The following SMG6 variants were observed in gnomAD, a reference collection of about 807,000 sequenced individuals.
The protein encoded by SMG6 is telomerase-binding protein EST1A.
In SMG6, 66 loss-of-function variants were observed where a neutral mutation model predicts 142.2. That is an observed-to-expected ratio of 0.46 (90% confidence interval 0.38 to 0.57). The LOEUF is 0.57. Among genes scored for constraint, SMG6 ranks in the 20% least tolerant of loss-of-function variants. SMG6 has a pLI of 0.00. For synonymous variants in SMG6, 779 were observed against 702.4 expected, an observed-to-expected ratio of 1.11 and a Z score of -1.72; for missense variants, 1,793 against 1,832.0, an observed-to-expected ratio of 0.98 and a Z score of 0.39.
intron 13 of SMG6, chr17:2,086,989 C>T: frequency 7.8e-7 from 1 of 1,285,990 alleles, no homozygotes; most frequent in Non-Finnish European, 1.0e-6. Context: ...GCCCCTGCCT[C>T]TCTTTTAATG....
At chr17:2,162,832 A>AT (rs558605418) in intron 13 of SMG6, among the ~76,000 whole-genome samples, 164 of 151,980 alleles carry the variant, frequency 1.1e-3, no homozygotes, top group African/African-American at 3.7e-3. Context: ...GCTAATCTTG[A>AT]TTTTCCTCTC....
At chr17:2,253,890 G>A (rs2074104842) in intron 8 of SMG6, among the ~76,000 whole-genome samples, 1 of 152,154 alleles carries the variant, frequency 6.6e-6, no homozygotes, top group Non-Finnish European at 1.5e-5. Flanking sequence ...CTGCAGGGTA[G>A]AAACAGAACA....
At chr17:2,271,916 G>T (rs11657644) in intron 8 of SMG6, among the ~76,000 whole-genome samples, 1 of 151,930 alleles carries the variant, frequency 6.6e-6, no homozygotes, top group Admixed American at 6.6e-5. Flanking sequence ...GCAAACTGTG[G>T]GGTAAAAGAT....
At chr17:2,197,959 T>TC (rs1234898928) in intron 10 of SMG6, among the ~76,000 whole-genome samples, 1 of 152,186 alleles carries the variant, frequency 6.6e-6, no homozygotes, top group African/African-American at 2.4e-5. Flanking sequence ...TATGATATGA[T>TC]CCAGCAATTG....
rs750833936 is a variant in SMG6, at chr17:2,300,222, T to C, written c.531A>G (p.Val177=). ...CATTTCCCCTACACTCATCTTCCTC[T>C]ACTCTCAGTTGTTCTACCTGGTTGA... ...EVLNQVEQLR[V]EEDECRGNVA... The change falls in exon 2 of 19, where the codon GTA becomes GTG. Residue 177 remains valine, a synonymous_variant. Transcript: ENST00000263073. 7.6e-5 allele frequency: 123 copies of C among 1,614,070 alleles called. No individual in the cohort carries two copies. Among genetic ancestry groups the C allele is most frequent in the Admixed American group, 1.3e-4 (8 of 60,000 alleles).
chr17:2,297,596 C>T (rs2075171976), intron 3 of SMG6, among the ~76,000 whole-genome samples: 1 of 151,900 alleles, frequency 6.6e-6, no homozygotes, highest in Admixed American at 6.6e-5. Context: ...ACGCTCTCTC[C>T]ACACAAACAC....
intron 13 of SMG6, among the ~76,000 whole-genome samples, chr17:2,112,474 C>G (rs912125850): frequency 4.0e-5 from 6 of 150,868 alleles, no homozygotes; most frequent in African/African-American, 1.5e-4. Context: ...TGCCACTGCA[C>G]TCCAGCCTGG....
intron 13 of SMG6, among the ~76,000 whole-genome samples, chr17:2,109,686 T>C (rs535582364): frequency 1.9e-4 from 29 of 152,316 alleles, no homozygotes; most frequent in Non-Finnish European, 3.1e-4. Flanking sequence ...CGCAAACCAT[T>C]ATAAACTACT....
chr17:2,234,242 T>C (rs576843099), intron 10 of SMG6, among the ~76,000 whole-genome samples: 12 of 152,244 alleles, frequency 7.9e-5, no homozygotes, highest in African/African-American at 2.4e-4. Flanking sequence ...ATTTTCTTTT[T>C]TTTTTACTTT....
chr17:2,205,235 A>G (rs1029487136), intron 10 of SMG6, among the ~76,000 whole-genome samples: 2 of 151,792 alleles, frequency 1.3e-5, no homozygotes, highest in African/African-American at 4.8e-5. Context: ...TGTCTGGCTA[A>G]TTTTTGTATT....
chr17:2,244,726 G>A lies in SMG6; in HGVS notation c.2662-7C>T, dbSNP rs1442823960. 2 of 1,611,828 alleles carry A rather than the reference G, an allele frequency of 1.2e-6. No individual in the cohort carries two copies. Among genetic ancestry groups the A allele is most frequent in the African/African-American group, 2.7e-5 (2 of 74,892 alleles). ...GGATGAACCTTTTGTTCAGCTGCAT[G>A]GGAAAAAGGGAGAGGAGAAAACAAT... On this transcript the variant is annotated splice_polypyrimidine_tract_variant and splice_region_variant and intron_variant, in intron 8 of 18. Coordinates refer to ENST00000263073, the MANE Select transcript of SMG6 (RefSeq NM_017575.5).
chr17:2,150,780 G>A (rs2070802875), intron 13 of SMG6, among the ~76,000 whole-genome samples: 3 of 152,072 alleles, frequency 2.0e-5, no homozygotes, highest in African/African-American at 7.2e-5. Context: ...AATCACAAAT[G>A]AGTATTGGTC....
chr17:2,267,701 C>CT (rs1271465397), intron 8 of SMG6, among the ~76,000 whole-genome samples: 1 of 150,856 alleles, frequency 6.6e-6, no homozygotes, highest in East Asian at 1.9e-4. Context: ...CAAAAGCTTT[C>CT]TTTTTTAATG....
At chr17:2,264,745 T>C (rs1012153869) in intron 8 of SMG6, among the ~76,000 whole-genome samples, 3 of 151,554 alleles carry the variant, frequency 2.0e-5, no homozygotes, top group African/African-American at 7.3e-5. Flanking sequence ...CTACGGAAAA[T>C]ACAAAAATTA....
chr17:2,224,663 G>A (rs2073265669), intron 10 of SMG6, among the ~76,000 whole-genome samples: 1 of 105,394 alleles, frequency 9.5e-6, no homozygotes, highest in South Asian at 3.8e-4. Flanking sequence ...AGAAAGCATG[G>A]GGAGATGCAG....
intron 8 of SMG6, among the ~76,000 whole-genome samples, chr17:2,277,431 G>A (rs1458847751): frequency 7.2e-5 from 11 of 152,016 alleles, no homozygotes; most frequent in African/African-American, 2.7e-4. Context: ...CTCCTAAAGA[G>A]CTGGGATTAC....
chr17:2,303,652 G>T lies in SMG6; in HGVS notation c.69C>A (p.Ala23=). The change falls in exon 1 of 19, where the codon GCC becomes GCA. Residue 23 remains alanine, a synonymous_variant. Coordinates refer to ENST00000263073, the MANE Select transcript of SMG6 (RefSeq NM_017575.5). The part of the protein sequence containing the change: ...SELRGILATL[A]PQAGSRENMK... ...ACTCACCTCTGCTCCCGGCCTGCGG[G>T]GCCAGAGTAGCCAGGATCCCGCGCA... 1 of 1,489,752 alleles carries T rather than the reference G, an allele frequency of 6.7e-7. No homozygotes were observed. Among genetic ancestry groups the T allele is most frequent in the Non-Finnish European group, 8.9e-7 (1 of 1,126,584 alleles). The allele number at this position is 1,489,752 out of a possible 1,614,324, so 92.3% of individuals were successfully genotyped here.
rs930753969 is a variant in SMG6 at position 2,299,959 on chromosome 17, T to G, written c.794A>C (p.Asn265Thr). 4 of 1,614,124 alleles carry G rather than the reference T, an allele frequency of 2.5e-6. No individual in the cohort carries two copies. In the South Asian group the frequency reaches 4.4e-5, roughly 18 times the overall value. Residue 265 changes from asparagine to threonine, a missense_variant, in exon 2 of 19, where the codon AAC becomes ACC. Physicochemically the swap from Asn to Thr is moderately conservative, Grantham distance 65. Coordinates refer to ENST00000263073, the MANE Select transcript of SMG6 (RefSeq NM_017575.5). The surrounding 1 kb of genome is among the most constrained non-coding windows in gnomAD (Gnocchi z 4.3). ...CAGGCCAGCTCCCTCAGCGCTGTTGTTGCTGCCAGCTGAGCTGGTGCTGCG... is the reference window on the plus strand; with the variant it reads ...CAGGCCAGCTCCCTCAGCGCTGTTGGTGCTGCCAGCTGAGCTGGTGCTGCG... Reference protein sequence around the residue: ...RTRSTSSAGSNNSAEGAGLTD... With the variant: ...RTRSTSSAGSTNSAEGAGLTD...
At chr17:2,088,259 C>T in intron 13 of SMG6, 1 of 985,402 alleles carries the variant, frequency 1.0e-6, no homozygotes, top group Non-Finnish European at 1.2e-6. Flanking sequence ...TTCTGGCCGA[C>T]AGGGAGAAAA....
Sources: gnomAD v4.1 joint callset for allele counts (sites outside exome capture counted in the v4.1 genomes callset) on GRCh38, gnomAD v4.1.1 for gene constraint, Gnocchi (gnomAD v3.1) non-coding constraint, MANE v1.5 for transcripts, NCBI Gene and HGNC (gene_info 2026-07-23, HGNC 2026-07-21) for gene names.